Variants in PCCA observed in about 807,000 individuals in gnomAD.
PCCA encodes propionyl-CoA carboxylase alpha chain, mitochondrial.
PCCA carries 74 observed loss-of-function variants against 101.3 expected under a neutral mutation model. The ratio of observed to expected loss-of-function variants is 0.73; its 90% CI spans 0.61 to 0.89. The LOEUF (loss-of-function observed/expected upper bound fraction) is 0.89. Among genes scored for constraint, PCCA ranks in the 40% least tolerant of loss-of-function variants. PCCA has a pLI of 0.00. For missense variants in PCCA, 891 were observed against 907.0 expected, an observed-to-expected ratio of 0.98 and a Z score of 0.23; for synonymous variants, 294 against 313.6, an observed-to-expected ratio of 0.94 and a Z score of 0.66.
intron 23 of PCCA, among the ~76,000 whole-genome samples, chr13:100,528,822 T>C (rs1424584744): frequency 1.3e-5 from 2 of 152,252 alleles, no homozygotes; most frequent in Non-Finnish European, 2.9e-5. Flanking sequence ...AAATTTTATC[T>C]GTTCTTTGGG....
At chr13:100,166,376 A>G (rs2055034009) in intron 6 of PCCA, among the ~76,000 whole-genome samples, 1 of 152,096 alleles carries the variant, frequency 6.6e-6, no homozygotes, top group Admixed American at 6.6e-5. Flanking sequence ...GTGCAGTGGC[A>G]CAACTTCCGC....
At chr13:100,194,569 C>T (rs1228298938) in intron 6 of PCCA, among the ~76,000 whole-genome samples, 1 of 152,100 alleles carries the variant, frequency 6.6e-6, no homozygotes, top group Non-Finnish European at 1.5e-5. Context: ...AGGCGTGTGC[C>T]ACCACACCCA....
At chr13:100,101,558 C>T (rs919826198) in intron 1 of PCCA, among the ~76,000 whole-genome samples, 5 of 151,966 alleles carry the variant, frequency 3.3e-5, no homozygotes, top group African/African-American at 1.2e-4. Flanking sequence ...GTATCTTTTA[C>T]CTCCACTTTT....
At chr13:100,212,536 A>G (rs188601780) in intron 7 of PCCA, among the ~76,000 whole-genome samples, 88 of 152,306 alleles carry the variant, frequency 5.8e-4, no homozygotes, top group Non-Finnish European at 1.0e-3. Flanking sequence ...ATTCACTCAG[A>G]TAGCTTTCTA....
intron 19 of PCCA, among the ~76,000 whole-genome samples, chr13:100,376,025 G>T (rs937819982): frequency 6.6e-6 from 1 of 152,186 alleles, no homozygotes; most frequent in Non-Finnish European, 1.5e-5. Context: ...TGGGGTTTTT[G>T]TGTGGACCTC....
chr13:100,367,635 T>A (rs867533512), intron 18 of PCCA, among the ~76,000 whole-genome samples: 1 of 142,752 alleles, frequency 7.0e-6, no homozygotes, highest in African/African-American at 2.8e-5. Context: ...ATAAGTATAG[T>A]TTTTTTTTTG....
intron 21 of PCCA, among the ~76,000 whole-genome samples, chr13:100,484,897 G>T (rs1173635009): frequency 6.6e-6 from 1 of 151,078 alleles, no homozygotes; most frequent in Non-Finnish European, 1.5e-5. Context: ...GGTGGTGACT[G>T]GTTTGGTTTT....
chr13:100,095,216 T>C (rs1374515770), intron 1 of PCCA, among the ~76,000 whole-genome samples: 1 of 152,174 alleles, frequency 6.6e-6, no homozygotes, highest in Admixed American at 6.5e-5. Flanking sequence ...ACACTTTTCA[T>C]TGGATTTAGG....
chr13:100,275,730 A>G (rs1176542890), intron 12 of PCCA, among the ~76,000 whole-genome samples: 1 of 150,664 alleles, frequency 6.6e-6, no homozygotes, highest in East Asian at 1.9e-4. Context: ...TTTCCTGTAC[A>G]AGTTTGGGGG....
chr13:100,381,064 G>A (rs1487513626), intron 19 of PCCA, among the ~76,000 whole-genome samples: 3 of 152,178 alleles, frequency 2.0e-5, no homozygotes, highest in Non-Finnish European at 4.4e-5. Flanking sequence ...CCACTACATA[G>A]CTCTACTTTA....
chr13:100,148,925 A>C (rs1397979953), intron 4 of PCCA, among the ~76,000 whole-genome samples: 3 of 152,202 alleles, frequency 2.0e-5, no homozygotes, highest in Non-Finnish European at 4.4e-5. Context: ...TCTACCATCC[A>C]AAATAACCAT....
rs187624135 is a variant in PCCA, at chr13:100,330,600, T to C, written c.1469T>C (p.Ile490Thr). 3 of 1,612,346 alleles carry C rather than the reference T, an allele frequency of 1.9e-6. No individual in the cohort carries two copies. Among genetic ancestry groups the C allele is most frequent in the African/African-American group, 2.7e-5 (2 of 75,032 alleles). The change falls in exon 17 of 24, where the codon ATC (isoleucine) becomes ACC (threonine). Residue 490 changes from isoleucine (I) to threonine (T), a missense_variant. Physicochemically the swap from Ile to Thr is moderately conservative, Grantham distance 89. Coordinates refer to ENST00000376285, the MANE Select transcript of PCCA (RefSeq NM_000282.4). ...HNIALLREVI[I>T]NSRFVKGDIS... ...ATTGCATTACTTCGAGAGGTGATAATCAACTCACGCTTTGTAAAAGGAGAC... is the reference window on the plus strand; with the variant it reads ...ATTGCATTACTTCGAGAGGTGATAACCAACTCACGCTTTGTAAAAGGAGAC...
chr13:100,224,088 C>T (rs963133502), intron 7 of PCCA, among the ~76,000 whole-genome samples: 1 of 152,198 alleles, frequency 6.6e-6, no homozygotes, highest in Admixed American at 6.5e-5. Context: ...GACTGGGCAC[C>T]GTGGAGCAGG....
intron 6 of PCCA, among the ~76,000 whole-genome samples, chr13:100,200,936 T>C (rs1450695370): frequency 6.6e-6 from 1 of 152,156 alleles, no homozygotes; most frequent in East Asian, 1.9e-4. Flanking sequence ...TGCCTCTGTG[T>C]ATCTTCATTC....
intron 10 of PCCA, among the ~76,000 whole-genome samples, chr13:100,263,146 T>C (rs2062642873): frequency 6.6e-6 from 1 of 152,194 alleles, no homozygotes; most frequent in South Asian, 2.1e-4. Context: ...TCCGTGTAGC[T>C]TGCTGTGACA....
chr13:100,218,236 C>T (rs1405522263), intron 7 of PCCA, among the ~76,000 whole-genome samples: 2 of 152,040 alleles, frequency 1.3e-5, no homozygotes, highest in East Asian at 3.9e-4. Flanking sequence ...AGTGCAGTGG[C>T]GTGATCTTGA....
At chr13:100,277,639 CT>C (rs1256486828) in intron 12 of PCCA, among the ~76,000 whole-genome samples, 3 of 152,168 alleles carry the variant, frequency 2.0e-5, no homozygotes, top group African/African-American at 4.8e-5. Flanking sequence ...TGCCTCACTG[CT>C]ATCTCACTTT....
intron 6 of PCCA, among the ~76,000 whole-genome samples, chr13:100,188,624 G>A (rs970009897): frequency 6.6e-6 from 1 of 152,162 alleles, no homozygotes; most frequent in Non-Finnish European, 1.5e-5. Flanking sequence ...GTTCTTTAAG[G>A]AATCTCCACA....
At chr13:100,488,878 A>T (rs1219065482) in intron 21 of PCCA, among the ~76,000 whole-genome samples, 1 of 151,166 alleles carries the variant, frequency 6.6e-6, no homozygotes, top group African/African-American at 2.4e-5. Flanking sequence ...ACCATGGGCC[A>T]CTCCCTTACC....
Sources: allele counts gnomAD v4.1 joint callset (sites outside exome capture counted in the v4.1 genomes callset), GRCh38; gene constraint gnomAD v4.1.1; transcripts MANE v1.5; gene names NCBI Gene and HGNC (gene_info 2026-07-23, HGNC 2026-07-21).